CCDC171: variants seen among roughly 807,000 people sequenced by gnomAD.
CCDC171 encodes the protein coiled-coil domain-containing protein 171.
In CCDC171, 177 loss-of-function variants were observed where a neutral mutation model predicts 168.2. The observed-to-expected ratio is 1.05, with a 90% confidence interval of 0.93 to 1.19. CCDC171 has a LOEUF of 1.19. Ranked by LOEUF, CCDC171 falls within the 50% of genes most tolerant of loss-of-function variation. The pLI is 0.00. For missense variants in CCDC171, 1,991 were observed against 1,539.0 expected, an observed-to-expected ratio of 1.29 and a Z score of -4.91; for synonymous variants, 687 against 540.8, an observed-to-expected ratio of 1.27 and a Z score of -3.75.
At chr9:15,630,942 A>G (rs2045630431) in intron 7 of CCDC171, among the ~76,000 whole-genome samples, 1 of 152,240 alleles carries the variant, frequency 6.6e-6, no homozygotes, top group South Asian at 2.1e-4. Flanking sequence ...AACGAAATGA[A>G]GACAGAAATA....
intron 21 of CCDC171, among the ~76,000 whole-genome samples, chr9:15,819,797 C>G (rs2059695695): frequency 8.6e-6 from 1 of 116,682 alleles, no homozygotes; most frequent in Non-Finnish European, 1.9e-5. Context: ...AGAAAGTTAA[C>G]AAGGATATCC....
chr9:15,657,883 G>T (rs984190553), intron 8 of CCDC171, among the ~76,000 whole-genome samples: 1 of 152,172 alleles, frequency 6.6e-6, no homozygotes, highest in Admixed American at 6.6e-5. Flanking sequence ...TCTAAGAGAA[G>T]TGAGAGCAGG....
In CCDC171 at chr9:15,932,607, C is replaced by G. The variant is rs549767561; in HGVS notation, c.3753+12185C>G. Among the ~76,000 whole-genome samples, 4 of 151,978 alleles carry G rather than the reference C, an allele frequency of 2.6e-5. No individual in the cohort carries two copies. The East Asian group carries it at 7.8e-4, about 30-fold the overall frequency. On this transcript the variant is annotated intron_variant, in intron 25 of 25. Coordinates refer to ENST00000380701, the MANE Select transcript of CCDC171 (RefSeq NM_173550.4). ...CAATTTAGATACCTTTTGTTTCTTTCTCTTGCATAATTGCTCTGGCTAGGA... is the reference window on the plus strand; with the variant it reads ...CAATTTAGATACCTTTTGTTTCTTTGTCTTGCATAATTGCTCTGGCTAGGA...
At chr9:16,091,871 A>C in the CCDC171 span, among the ~76,000 whole-genome samples, 1 of 152,224 alleles carries the variant, frequency 6.6e-6, no homozygotes, top group Admixed American at 6.5e-5. Context: ...TTACAGCTAT[A>C]TCTTTTTTAA....
intron 6 of CCDC171, among the ~76,000 whole-genome samples, chr9:15,610,579 G>A (rs2043607722): frequency 6.7e-6 from 1 of 150,156 alleles, no homozygotes; most frequent in South Asian, 2.1e-4. Flanking sequence ...AGTGAACCGA[G>A]CTGGTGCCAT....
intron 10 of CCDC171, among the ~76,000 whole-genome samples, chr9:15,687,755 A>G (rs1163016090): frequency 6.6e-6 from 1 of 152,244 alleles, no homozygotes; most frequent in Non-Finnish European, 1.5e-5. Context: ...GAAAAACTAT[A>G]TGCCAACAAA....
chr9:15,743,810 A>G (rs2055066140), intron 16 of CCDC171, among the ~76,000 whole-genome samples: 1 of 152,164 alleles, frequency 6.6e-6, no homozygotes, highest in African/African-American at 2.4e-5. Flanking sequence ...TTGTTATATC[A>G]TTGATTGAAC....
chr9:15,583,221 C>T (rs1450129466), intron 4 of CCDC171, among the ~76,000 whole-genome samples: 2 of 151,884 alleles, frequency 1.3e-5, no homozygotes, highest in Non-Finnish European at 2.9e-5. Context: ...TTGAGACCAT[C>T]CTGGCCAAGG....
chr9:15,985,630 C>T (rs1390233374), intron 3 of CCDC171, among the ~76,000 whole-genome samples: 1 of 152,144 alleles, frequency 6.6e-6, no homozygotes, highest in Non-Finnish European at 1.5e-5. Flanking sequence ...AACTTTCCAA[C>T]TTTTGGTATA....
intron 9 of CCDC171, among the ~76,000 whole-genome samples, chr9:15,678,079 T>C (rs2049766546): frequency 6.7e-6 from 1 of 150,060 alleles, no homozygotes; most frequent in Non-Finnish European, 1.5e-5. Context: ...TCGGCTGATA[T>C]TTAAATTGTT....
intron 25 of CCDC171, among the ~76,000 whole-genome samples, chr9:15,959,289 C>T (rs1219725440): frequency 1.3e-5 from 2 of 152,132 alleles, no homozygotes; most frequent in Non-Finnish European, 2.9e-5. Context: ...AGTAACAGGT[C>T]TTACCATATG....
rs1554714957 is a variant in CCDC171, at chr9:15,623,475, G to GCACACACACACACACACACACACACA, written c.822+69_822+94dup. 1.9e-5 allele frequency: 6 copies of GCACACACACACACACACACACACACA among 315,428 alleles called. No individual in the cohort carries two copies. The East Asian group carries it at 2.4e-4, about 12-fold the overall frequency. The allele number at this position is 315,428 out of a possible 1,614,324, so 19.5% of individuals were successfully genotyped here. On this transcript the variant is annotated intron_variant, in intron 7 of 25. Transcript: ENST00000380701. ...CAAACTTTCACATATGCGCGCGCGC[G>GCACACACACACACACACACACACACA]CACACACACACACACACACACACAC...
intron 8 of CCDC171, among the ~76,000 whole-genome samples, chr9:15,664,438 G>A (rs1045113310): frequency 6.6e-6 from 1 of 151,820 alleles, no homozygotes; most frequent in African/African-American, 2.4e-5. Context: ...TTGTAGAGAT[G>A]GGGTTTCACC....
At chr9:15,703,332 C>G (rs2051931593) in intron 11 of CCDC171, among the ~76,000 whole-genome samples, 1 of 152,186 alleles carries the variant, frequency 6.6e-6, no homozygotes, top group South Asian at 2.1e-4. Context: ...CATGTGTTCA[C>G]TGGAGTAGCA....
At chr9:15,918,679 G>T (rs1324812582) in intron 24 of CCDC171, among the ~76,000 whole-genome samples, 2 of 151,568 alleles carry the variant, frequency 1.3e-5, no homozygotes, top group Admixed American at 6.6e-5. Context: ...GTCATATAAT[G>T]CTTATGTAGT....
intron 7 of CCDC171, among the ~76,000 whole-genome samples, chr9:15,626,274 C>G (rs1437302428): frequency 2.0e-5 from 3 of 152,168 alleles, no homozygotes; most frequent in Admixed American, 6.5e-5. Flanking sequence ...GACAATTTGA[C>G]TTCCTCTTTT....
At chr9:15,634,172 T>G (rs1329776524) in intron 7 of CCDC171, among the ~76,000 whole-genome samples, 1 of 151,588 alleles carries the variant, frequency 6.6e-6, no homozygotes. Flanking sequence ...ACTTAAAGTA[T>G]AATAATAAAA....
intron 21 of CCDC171, among the ~76,000 whole-genome samples, chr9:15,809,098 C>T (rs1051422949): frequency 4.6e-5 from 7 of 152,282 alleles, no homozygotes; most frequent in African/African-American, 1.4e-4. Flanking sequence ...CCTTTTATTG[C>T]CATCACCTTG....
intron 4 of CCDC171, among the ~76,000 whole-genome samples, chr9:15,584,010 G>C (rs867344758): frequency 6.6e-5 from 10 of 152,048 alleles, no homozygotes; most frequent in South Asian, 2.1e-4. Context: ...GGGATTACAG[G>C]TGCCCACCAC....
Sources: allele counts gnomAD v4.1 joint callset (sites outside exome capture counted in the v4.1 genomes callset), GRCh38; gene constraint gnomAD v4.1.1; transcripts MANE v1.5; gene names NCBI Gene and HGNC (gene_info 2026-07-23, HGNC 2026-07-21).